Variants in SLC25A48 observed in about 807,000 individuals in gnomAD.
The protein encoded by SLC25A48 is CTC-321K16.1.
SLC25A48 carries 29 observed loss-of-function variants against 32.2 expected under a neutral mutation model. That is an observed-to-expected ratio of 0.90 (90% CI 0.67 to 1.23). The LOEUF (loss-of-function observed/expected upper bound fraction) is 1.23, where lower values mean the gene tolerates loss of function less well. Ranked by LOEUF, SLC25A48 falls within the 50% of genes most tolerant of loss-of-function variation. SLC25A48 has a pLI of 0.00. For missense variants in SLC25A48, 399 were observed against 422.7 expected (o/e 0.94, Z 0.49); for synonymous variants, 164 against 172.3 (o/e 0.95, Z 0.38).
At chr5:135,647,423 A>G (rs1472762109) in intron 3 of SLC25A48, among the ~76,000 whole-genome samples, 1 of 152,186 alleles carries the variant, frequency 6.6e-6, no homozygotes, top group Non-Finnish European at 1.5e-5. Flanking sequence ...ACAGTCATGC[A>G]TGGGGCCATG....
chr5:135,653,770 G>A, intron 3 of SLC25A48: 2 of 455,830 alleles, frequency 4.4e-6, no homozygotes, highest in Non-Finnish European at 8.8e-6. Context: ...AAAATCAGTA[G>A]GCCATGTCCA....
At chr5:135,803,043 C>G (rs1757372550) in intron 3 of SLC25A48, 1 of 151,520 alleles carries the variant, frequency 6.6e-6, no homozygotes, top group Non-Finnish European at 1.5e-5. Flanking sequence ...AGCTATTACT[C>G]TTAATATCAC....
chr5:135,650,472 C>T (rs1353069218), intron 3 of SLC25A48: 4 of 455,792 alleles, frequency 8.8e-6, no homozygotes, highest in Non-Finnish European at 8.8e-6. Flanking sequence ...CAGCCGGGTT[C>T]ATCAGGAGGG....
At chr5:135,882,029 G>C (rs1762508694) in intron 7 of SLC25A48, among the ~76,000 whole-genome samples, 1 of 152,218 alleles carries the variant, frequency 6.6e-6, no homozygotes, top group Non-Finnish European at 1.5e-5. Flanking sequence ...GGACAAAGGA[G>C]GAAATTTCTA....
chr5:135,693,966 A>G (rs1754208325), intron 3 of SLC25A48, among the ~76,000 whole-genome samples: 1 of 152,202 alleles, frequency 6.6e-6, no homozygotes, highest in Admixed American at 6.5e-5. Flanking sequence ...CTGGAGAAAA[A>G]AAAGCATTTC....
At chr5:135,698,187 T>A (rs1364799728) in intron 3 of SLC25A48, among the ~76,000 whole-genome samples, 1 of 152,220 alleles carries the variant, frequency 6.6e-6, no homozygotes, top group African/African-American at 2.4e-5. Context: ...CTCAGTGCTG[T>A]CTCCTAATGG....
intron 3 of SLC25A48, among the ~76,000 whole-genome samples, chr5:135,801,013 C>A (rs562272604): frequency 6.6e-6 from 1 of 151,640 alleles, no homozygotes; most frequent in African/African-American, 2.4e-5. Context: ...GGTGTGTACA[C>A]CCTTCTGTGA....
At chr5:135,871,755 A>G in intron 5 of SLC25A48, 37 bp downstream of exon 5, 2 of 1,604,490 alleles carry the variant, frequency 1.2e-6, no homozygotes, top group Non-Finnish European at 1.7e-6. Flanking sequence ...ACCCCTGTGC[A>G]GGCCACAGCA....
chr5:135,801,129 G>A (rs11745994), intron 3 of SLC25A48, among the ~76,000 whole-genome samples: 57,227 of 150,844 alleles, frequency 0.38, 12,433 homozygotes, highest in Non-Finnish European at 0.49. Context: ...GAAGGAAGAT[G>A]ATGATATTAC....
At chr5:135,693,853 C>T (rs998674282) in intron 3 of SLC25A48, among the ~76,000 whole-genome samples, 3 of 152,206 alleles carry the variant, frequency 2.0e-5, no homozygotes, top group African/African-American at 7.2e-5. Flanking sequence ...CCTCACAGTG[C>T]GAAGGCGTGT....
intron 3 of SLC25A48, among the ~76,000 whole-genome samples, chr5:135,807,088 T>C (rs1228013969): frequency 6.6e-6 from 1 of 150,654 alleles, no homozygotes; most frequent in Admixed American, 6.6e-5. Context: ...TCATAGTGGG[T>C]TTAACACTGT....
intron 3 of SLC25A48, among the ~76,000 whole-genome samples, chr5:135,773,887 A>G (rs570440970): frequency 1.3e-5 from 2 of 151,572 alleles, no homozygotes; most frequent in Admixed American, 6.6e-5. Context: ...TACACCACCA[A>G]TGTGATATTG....
chr5:135,740,686 A>C (rs547746123), intron 3 of SLC25A48, among the ~76,000 whole-genome samples: 2 of 152,292 alleles, frequency 1.3e-5, no homozygotes, highest in South Asian at 4.1e-4. Flanking sequence ...CCAGCCTCAA[A>C]AAAGCCATCT....
At chr5:135,586,128 G>A (rs1044142649) in intron 1 of SLC25A48, among the ~76,000 whole-genome samples, 6 of 152,174 alleles carry the variant, frequency 3.9e-5, no homozygotes, top group Admixed American at 1.3e-4. Flanking sequence ...TAACTACCAA[G>A]TGGCAGAGCT....
At chr5:135,762,693 G>A (rs770721375) in intron 3 of SLC25A48, among the ~76,000 whole-genome samples, 2 of 152,050 alleles carry the variant, frequency 1.3e-5, no homozygotes, top group Non-Finnish European at 2.9e-5. Flanking sequence ...ATAAGAACGG[G>A]AGTGAGAATG....
intron 7 of SLC25A48, among the ~76,000 whole-genome samples, chr5:135,883,767 G>A (rs1290608537): frequency 6.6e-5 from 10 of 152,188 alleles, no homozygotes; most frequent in Admixed American, 4.6e-4. Flanking sequence ...GGTTGGGGTG[G>A]GCACTCTCTG....
intron 3 of SLC25A48, among the ~76,000 whole-genome samples, chr5:135,785,795 C>T (rs550959196): frequency 3.1e-5 from 4 of 129,668 alleles, no homozygotes; most frequent in African/African-American, 1.2e-4. Flanking sequence ...ATCCAGGGGG[C>T]GAGAGGGTAA....
chr5:135,748,807 C>A (rs966261300), intron 3 of SLC25A48, among the ~76,000 whole-genome samples: 1 of 151,882 alleles, frequency 6.6e-6, no homozygotes, highest in Non-Finnish European at 1.5e-5. Flanking sequence ...CAACCTCCGC[C>A]TCCCAGGTTC....
chr5:135,844,107 T>A (rs761475609), intron 2 of SLC25A48, among the ~76,000 whole-genome samples: 1 of 152,148 alleles, frequency 6.6e-6, no homozygotes, highest in Non-Finnish European at 1.5e-5. Flanking sequence ...CTGAGCCCTC[T>A]CCACCCTCCA....
Sources: gnomAD v4.1 joint callset for allele counts (sites outside exome capture counted in the v4.1 genomes callset) on GRCh38, gnomAD v4.1.1 for gene constraint, MANE v1.5 for transcripts, NCBI Gene and HGNC (gene_info 2026-07-23, HGNC 2026-07-21) for gene names.